EEF1D: variants seen among roughly 807,000 people sequenced by gnomAD.
EEF1D encodes elongation factor 1-delta.
Under a neutral mutation model 63.9 loss-of-function variants are expected in EEF1D, and 47 were observed. The ratio of observed to expected loss-of-function variants is 0.74; its 90% CI spans 0.58 to 0.94. The LOEUF (loss-of-function observed/expected upper bound fraction) is 0.94. EEF1D is among the 40% of genes least tolerant of loss of function. EEF1D has a pLI of 0.00. For synonymous variants in EEF1D, 412 were observed against 386.1 expected, an observed-to-expected ratio of 1.07 and a Z score of -0.79; for missense variants, 907 against 899.0, an observed-to-expected ratio of 1.01 and a Z score of -0.11.
chr8:143,589,681 G>A lies in EEF1D; in HGVS notation c.401C>T (p.Ala134Val). Residue 134 changes from alanine (A) to valine (V), a missense_variant, in exon 3 of 10, where the codon GCC (alanine) becomes GTC (valine). By Grantham distance (64) the Ala-to-Val change is moderately conservative (BLOSUM62 0). Transcript: ENST00000618139. ...CAAGGCAGGAGGCCAGGCTGCCTGG[G>A]CAGCCACATCTGCCAGCTTCTGGCG... is the stretch of plus-strand genomic sequence containing the variant. ...SYRQKLADVA[A>V]QAAWPPALAP... is the part of the protein sequence containing the mutation. 1 of 1,531,062 alleles carries A rather than the reference G, an allele frequency of 6.5e-7. No individual in the cohort carries two copies. The highest frequency in any genetic ancestry group is 8.8e-7 in the Non-Finnish European group (1 of 1,138,654). The allele number at this position is 1,531,062 out of a possible 1,614,324, so 94.8% of individuals were successfully genotyped here. A position where few individuals can be genotyped will look rare whatever the true frequency, so the allele number is the denominator to read the frequency against.
Position 143,589,216 on chromosome 8 carries a change from G to T in EEF1D, c.866C>A (p.Ala289Asp), listed in dbSNP as rs759773528. The change falls in exon 3 of 10, where the codon GCC becomes GAC. Residue 289 changes from alanine to aspartate, a missense_variant. Physicochemically the swap from Ala to Asp is moderately radical, Grantham distance 126 (BLOSUM62 -2). Transcript: ENST00000618139. The stretch of plus-strand genomic sequence containing the variant: ...CTCCCCATCGGCCCGTCGCAGCCCG[G>T]CCCGCTTGTTCCCTAAGATGTTGCG... ...RGRNILGNKR[A>D]GLRRADGEAP... is the part of the protein sequence containing the mutation. 1.9e-6 allele frequency: 3 copies of T among 1,582,098 alleles called. No homozygotes were observed. Among genetic ancestry groups the T allele is most frequent in the South Asian group, 1.1e-5 (1 of 87,866 alleles).
rs763566376 is a variant in EEF1D at position 143,589,753 on chromosome 8, C to T, written c.329G>A (p.Arg110His). 1.2e-5 allele frequency: 19 copies of T among 1,533,846 alleles called. No homozygotes were observed. The highest frequency in any genetic ancestry group is 1.5e-5 in the Non-Finnish European group (17 of 1,141,866). Residue 110 changes from arginine (R) to histidine (H), a missense_variant, in exon 3 of 10, where the codon CGC becomes CAC. By Grantham distance (29) the Arg-to-His change is conservative. Transcript: ENST00000618139. ...DLALLGLSAE[R>H]VWLDKSLFDQ... ...GAAAAGTGACTTGTCCAGCCACACG[C>T]GTTCGGCCGAGAGGCCCAGGAGGGC...
chr8:143,588,967 G>A lies in EEF1D; in HGVS notation c.1091+24C>T, dbSNP rs751894898. ...CCTGTGCCCACAGCCCAGGCTGGGT[G>A]CCCACCCAGCACGTTTCTCCTACTT... On this transcript the variant is annotated intron_variant, in intron 3 of 9. Coordinates refer to ENST00000618139, the MANE Select transcript of EEF1D (RefSeq NM_001130053.5). 13 of 1,585,936 alleles carry A rather than the reference G, an allele frequency of 8.2e-6. No homozygotes were observed. The Admixed American group carries it at 1.4e-4, about 17-fold the overall frequency.
chr8:143,592,382 G>A (rs1828119983), intron 2 of EEF1D, among the ~76,000 whole-genome samples: 1 of 152,016 alleles, frequency 6.6e-6, no homozygotes, highest in South Asian at 2.1e-4. Flanking sequence ...ACCTGGCACT[G>A]CCACCTGTTC....
Position 143,589,334 on chromosome 8 carries a change from G to T in EEF1D, c.748C>A (p.Leu250Met), listed in dbSNP as rs11548170. The change falls in exon 3 of 10, where the codon CTG becomes ATG. Residue 250 changes from leucine to methionine, a missense_variant. Coordinates refer to ENST00000618139, the MANE Select transcript of EEF1D (RefSeq NM_001130053.5). ...TTCCCTGGGGGATGGCCGTCAAACA[G>T]GGCCTCGTAGAAGCCCCTCTCGGCT... ...DAAERGFYEA[L>M]FDGHPPGKVR... is the part of the protein sequence containing the mutation. 3 of 1,583,422 alleles carry T rather than the reference G, an allele frequency of 1.9e-6. No individual in the cohort carries two copies. Among genetic ancestry groups the T allele is most frequent in the Non-Finnish European group, 2.6e-6 (3 of 1,163,980 alleles).
At chr8:143,592,345 G>A in intron 2 of EEF1D, 6 of 921,980 alleles carry the variant, frequency 6.5e-6, no homozygotes, top group Non-Finnish European at 7.8e-6. Flanking sequence ...CTCAGGGAGG[G>A]GAAGCCACTT....
intron 2 of EEF1D, 163 bp from the exon 3 acceptor site, chr8:143,590,244 G>A (rs781450465): frequency 3.8e-5 from 41 of 1,088,286 alleles, no homozygotes; most frequent in East Asian, 2.9e-4. Context: ...GATGACATTC[G>A]AGGACTTCGA....
intron 5 of EEF1D, among the ~76,000 whole-genome samples, chr8:143,585,042 G>A (rs551531844): frequency 6.6e-6 from 1 of 152,232 alleles, no homozygotes; most frequent in African/African-American, 2.4e-5. Flanking sequence ...ACACTGTGGG[G>A]GACCCAGGCT....
rs1182149753 is a variant in EEF1D at position 143,580,101 on chromosome 8, T to C, written c.1816A>G (p.Ile606Val). The C allele has an allele frequency of 1.2e-6, 2 of 1,613,734 alleles. No homozygotes were observed. The highest frequency in any genetic ancestry group is 2.2e-5 in the East Asian group (1 of 44,874). The change falls in exon 9 of 10, where the codon ATC becomes GTC. Residue 606 changes from isoleucine to valine, a missense_variant. Transcript: ENST00000618139. ...ASKLVPVGYGIRKLQIQCVVE... is the reference protein window; with the variant it reads ...ASKLVPVGYGVRKLQIQCVVE... ...ACACACTGAATCTGTAGCTTCCGGA[T>C]ACCGTAGCCCACGGGCACCAGCTTG...
intron 3 of EEF1D, chr8:143,587,175 C>G (rs1826832281): frequency 9.7e-6 from 2 of 205,224 alleles, no homozygotes; most frequent in African/African-American, 4.6e-5. Context: ...CTAAGCCAGA[C>G]ACCCGAGAGA....
chr8:143,589,636 G>C lies in EEF1D; in HGVS notation c.446C>G (p.Thr149Ser), dbSNP rs1827514993. The change falls in exon 3 of 10, where the codon ACC becomes AGC. Residue 149 changes from threonine to serine, a missense_variant. Physicochemically the swap from Thr to Ser is moderately conservative, Grantham distance 58. Coordinates refer to ENST00000618139, the MANE Select transcript of EEF1D (RefSeq NM_001130053.5). The stretch of plus-strand genomic sequence containing the variant: ...GTGGCAGGCCACCTGGTTTCCATGG[G>C]TGCAGAGACCCCAAGGGGCCAAGGC... ...PPALAPWGLC[T>S]HGNQVACHHV... 1.3e-6 allele frequency: 2 copies of C among 1,541,684 alleles called. No individual in the cohort carries two copies. Among genetic ancestry groups the C allele is most frequent in the African/African-American group, 2.8e-5 (2 of 72,552 alleles).
At chr8:143,592,231 C>T in intron 2 of EEF1D, 1 of 985,536 alleles carries the variant, frequency 1.0e-6, no homozygotes. Context: ...CAGGTCCCAT[C>T]AGCAGTGCCA....
intron 4 of EEF1D, among the ~76,000 whole-genome samples, 181 bp from the exon 5 acceptor site, chr8:143,586,471 C>T (rs957332336): frequency 6.6e-5 from 10 of 152,270 alleles, no homozygotes; most frequent in Admixed American, 2.0e-4. Context: ...CAGGCAAAGG[C>T]GCCCATGTCT....
At chr8:143,580,951 G>T in intron 7 of EEF1D, 103 bp downstream of exon 7, 2 of 1,347,908 alleles carry the variant, frequency 1.5e-6, no homozygotes, top group Non-Finnish European at 2.1e-6. Flanking sequence ...CAGTATCCTG[G>T]CTGCCAGCTC....
intron 5 of EEF1D, among the ~76,000 whole-genome samples, chr8:143,584,878 A>G (rs577476800): frequency 3.3e-5 from 5 of 151,980 alleles, no homozygotes; most frequent in Non-Finnish European, 7.4e-5. Flanking sequence ...TCTTTTTCCC[A>G]TTTTGAAAGG....
Position 143,579,909 on chromosome 8 carries a change from G to C in EEF1D, c.1906-79C>G. 12 of 1,545,172 alleles carry C rather than the reference G, an allele frequency of 7.8e-6. No homozygotes were observed. In the South Asian group the frequency reaches 1.5e-4, roughly 19 times the overall value. On this transcript the variant is annotated intron_variant, in intron 9 of 9. Coordinates refer to ENST00000618139, the MANE Select transcript of EEF1D (RefSeq NM_001130053.5). ...AGCCAGGAGCCTCCTCTGAGGTGGG[G>C]TTCACTCTGGGACTCGCTCCCCACT...
chr8:143,596,490 A>T (rs1234131698), intron 1 of EEF1D: 1 of 152,336 alleles, frequency 6.6e-6, no homozygotes, highest in Non-Finnish European at 1.5e-5. Flanking sequence ...CTTAAGGCTC[A>T]TGGGGTCCAG....
chr8:143,579,729 C>A lies in EEF1D; in HGVS notation c.*63G>T. On this transcript the variant is annotated 3_prime_UTR_variant, in exon 10 of 10. Coordinates refer to ENST00000618139, the MANE Select transcript of EEF1D (RefSeq NM_001130053.5). ...AAATGACCAGGACGGAGCCAGAGGG[C>A]CGGTCTCAGTCTTTAATCGTGGCAG... The A allele has an allele frequency of 6.7e-7, 1 of 1,502,222 alleles. No individual in the cohort carries two copies. The allele number at this position is 1,502,222 out of a possible 1,614,324, so 93.1% of individuals were successfully genotyped here.
chr8:143,589,061 G>C lies in EEF1D; in HGVS notation c.1021C>G (p.Leu341Val), dbSNP rs769878640. ...CGGTGAGACAGGGAGGCAGCTTCGA[G>C]GCACCAGGCCACCCGCAGGGCCTCG... ...AAEALRVAWC[L>V]EAASLSHRPG... The change falls in exon 3 of 10, where the codon CTC (leucine) becomes GTC (valine). Residue 341 changes from leucine to valine, a missense_variant. By Grantham distance (32) the Leu-to-Val change is conservative (BLOSUM62 1). Coordinates refer to ENST00000618139, the MANE Select transcript of EEF1D (RefSeq NM_001130053.5). The C allele has an allele frequency of 1.5e-4, 247 of 1,607,996 alleles. No individual in the cohort carries two copies. Among genetic ancestry groups the C allele is most frequent in the Non-Finnish European group, 2.0e-4 (241 of 1,179,506 alleles).
Sources: allele counts gnomAD v4.1 joint callset (sites outside exome capture counted in the v4.1 genomes callset), GRCh38; gene constraint gnomAD v4.1.1; transcripts MANE v1.5; gene names NCBI Gene and HGNC (gene_info 2026-07-23, HGNC 2026-07-21).